Variants in RDX observed in about 807,000 individuals in gnomAD.
RDX encodes the protein radixin.
A neutral mutation model predicts 83.7 loss-of-function variants in RDX; 32 were observed. That is an observed-to-expected ratio of 0.38 (90% CI 0.29 to 0.51). The LOEUF (loss-of-function observed/expected upper bound fraction) is 0.51. Ranked by LOEUF, RDX falls within the 20% of genes least tolerant of loss-of-function variation. RDX has a pLI of 0.87. For synonymous variants in RDX, 229 were observed against 222.7 expected (o/e 1.03, Z -0.25); for missense variants, 600 against 689.9 (o/e 0.87, Z 1.46).
chr11:110,204,439 A>G (rs1400416056), intron 14 of RDX, among the ~76,000 whole-genome samples: 1 of 152,030 alleles, frequency 6.6e-6, no homozygotes, highest in African/African-American at 2.4e-5. Flanking sequence ...CTTGGTGGAA[A>G]GACACTGCAT....
chr11:110,263,606 A>G (rs906163669), intron 5 of RDX, among the ~76,000 whole-genome samples: 2 of 151,746 alleles, frequency 1.3e-5, no homozygotes, highest in Non-Finnish European at 2.9e-5. Context: ...CATGCCTGTA[A>G]TCCCAGCACT....
intron 15 of RDX, among the ~76,000 whole-genome samples, chr11:110,195,291 T>C (rs996295197): frequency 6.6e-6 from 1 of 152,184 alleles, no homozygotes; most frequent in African/African-American, 2.4e-5. Flanking sequence ...AGCTGACTCA[T>C]GTCACAAACT....
In RDX at chr11:110,263,985, C is replaced by G; in HGVS notation, c.442G>C (p.Ala148Pro). ...CGCTGGGGTAGGAGTCTATCATTAGCCAGGTAGCCTGGCTTATGAATCTCT... is the reference window on the plus strand; with the variant it reads ...CGCTGGGGTAGGAGTCTATCATTAGGCAGGTAGCCTGGCTTATGAATCTCT... The part of the protein sequence containing the change: ...NKEIHKPGYL[A>P]NDRLLPQRVL... The change falls in exon 5 of 14, where the codon GCT becomes CCT. Residue 148 changes from alanine to proline, a missense_variant. Ala to Pro is a conservative substitution (Grantham distance 27). Transcript: ENST00000645495. The G allele has an allele frequency of 6.2e-7, 1 of 1,613,716 alleles. No individual in the cohort carries two copies. Among genetic ancestry groups the G allele is most frequent in the Non-Finnish European group, 8.5e-7 (1 of 1,179,734 alleles).
At chr11:110,234,114 G>C (rs550363647) in intron 12 of RDX, among the ~76,000 whole-genome samples, 6 of 152,102 alleles carry the variant, frequency 3.9e-5, no homozygotes, top group African/African-American at 1.2e-4. Context: ...CTCCAGTTTA[G>C]ATGTTCAATT....
intron 15 of RDX, chr11:110,185,398 GAAC>G (rs1445503115): frequency 1.3e-5 from 2 of 152,222 alleles, no homozygotes; most frequent in Admixed American, 6.5e-5. Flanking sequence ...GAGTTTGAGG[GAAC>G]AATAACAGAA....
chr11:110,217,062 T>A (rs1161732692), intron 14 of RDX, among the ~76,000 whole-genome samples: 1 of 152,180 alleles, frequency 6.6e-6, no homozygotes, highest in African/African-American at 2.4e-5. Flanking sequence ...TGCACTCTTT[T>A]CATCTGTCTG....
intron 7 of RDX, among the ~76,000 whole-genome samples, chr11:110,255,950 C>T (rs1859528309): frequency 6.6e-6 from 1 of 152,084 alleles, no homozygotes; most frequent in Non-Finnish European, 1.5e-5. Flanking sequence ...ATTTTAAACA[C>T]TCACATACAT....
Position 110,236,194 on chromosome 11 carries a change from A to T in RDX, c.1252-3T>A, listed in dbSNP as rs760678686. 1 of 1,605,882 alleles carries T rather than the reference A, an allele frequency of 6.2e-7. No individual in the cohort carries two copies. Among genetic ancestry groups the T allele is most frequent in the South Asian group, 1.1e-5 (1 of 90,896 alleles). On this transcript the variant is annotated splice_polypyrimidine_tract_variant and splice_region_variant and intron_variant, in intron 11 of 13. Transcript: ENST00000645495. Reference sequence around the variant, plus strand: ...GTGAATTCAGCAAGTTCTGCTGCCTAAAGTAAACAATATAATTCCAAAATT... The same window carrying T: ...GTGAATTCAGCAAGTTCTGCTGCCTTAAGTAAACAATATAATTCCAAAATT...
At chr11:110,193,180 G>T (rs1591501815) in intron 15 of RDX, among the ~76,000 whole-genome samples, 1 of 152,174 alleles carries the variant, frequency 6.6e-6, no homozygotes, top group Admixed American at 6.5e-5. Context: ...GGAATACTAT[G>T]CAGCCATAAA....
intron 15 of RDX, among the ~76,000 whole-genome samples, chr11:110,197,145 C>CT (rs1171845894): frequency 6.6e-6 from 1 of 152,232 alleles, no homozygotes; most frequent in African/African-American, 2.4e-5. Context: ...TTCAACCCAC[C>CT]TGTCTCAGCC....
chr11:110,182,181 G>T (rs1446123892), intron 15 of RDX, among the ~76,000 whole-genome samples: 1 of 152,246 alleles, frequency 6.6e-6, no homozygotes, highest in Admixed American at 6.5e-5. Flanking sequence ...CAGATTCCTT[G>T]CCGCAGTGCT....
intron 12 of RDX, among the ~76,000 whole-genome samples, chr11:110,234,922 TTTCAG>T: frequency 6.6e-6 from 1 of 152,308 alleles, no homozygotes; most frequent in East Asian, 1.9e-4. Flanking sequence ...AAAATTATCT[TTTCAG>T]TTAAGAGTTA....
chr11:110,289,976 A>AAAAAAC (rs1861163043), intron 1 of RDX, among the ~76,000 whole-genome samples: 1 of 148,822 alleles, frequency 6.7e-6, no homozygotes, highest in Admixed American at 6.7e-5. Context: ...AAAAAAAAAA[A>AAAAAAC]AAAAAACAAG....
downstream of RDX, among the ~76,000 whole-genome samples, chr11:110,228,263 A>G (rs1273132156): frequency 3.3e-5 from 5 of 152,056 alleles, no homozygotes; most frequent in Non-Finnish European, 7.4e-5. Context: ...CTGCCTGAAT[A>G]TTTCATAAAG....
intron 5 of RDX, among the ~76,000 whole-genome samples, chr11:110,259,091 T>C (rs1333355923): frequency 3.3e-5 from 5 of 152,000 alleles, no homozygotes; most frequent in Non-Finnish European, 5.9e-5. Flanking sequence ...CTAATTTTTC[T>C]TTTTTGTGTG....
chr11:110,227,914 T>C (rs1023599487), downstream of RDX, among the ~76,000 whole-genome samples: 2 of 152,102 alleles, frequency 1.3e-5, no homozygotes, highest in African/African-American at 2.4e-5. Flanking sequence ...GTAGTCCATA[T>C]AACCCCAAAT....
chr11:110,193,199 A>C (rs1863135000), intron 15 of RDX, among the ~76,000 whole-genome samples: 1 of 152,254 alleles, frequency 6.6e-6, no homozygotes, highest in South Asian at 2.1e-4. Flanking sequence ...AAAAAGAATG[A>C]GATCATGTCC....
At chr11:110,199,271 G>A (rs1235614123) in intron 15 of RDX, among the ~76,000 whole-genome samples, 6 of 152,130 alleles carry the variant, frequency 3.9e-5, no homozygotes, top group Non-Finnish European at 1.5e-5. Flanking sequence ...AGCTCACCAA[G>A]ATTACAGGTA....
At chr11:110,217,841 A>T (rs551229149) in intron 14 of RDX, among the ~76,000 whole-genome samples, 1 of 146,026 alleles carries the variant, frequency 6.8e-6, no homozygotes, top group Non-Finnish European at 1.6e-5. Flanking sequence ...GTCACTACCT[A>T]GCTCTGAGTG....
Sources: gnomAD v4.1 joint callset for allele counts (sites outside exome capture counted in the v4.1 genomes callset) on GRCh38, gnomAD v4.1.1 for gene constraint, MANE v1.5 for transcripts, NCBI Gene and HGNC (gene_info 2026-07-23, HGNC 2026-07-21) for gene names.